The following CACNA1I variants were observed in gnomAD, a reference collection of about 807,000 sequenced individuals.
CACNA1I encodes the protein voltage-dependent T-type calcium channel subunit alpha-1I.
In CACNA1I, 74 loss-of-function variants were observed where a neutral mutation model predicts 201.6. That is an observed-to-expected ratio of 0.37 (90% confidence interval 0.30 to 0.45). CACNA1I has a LOEUF of 0.45. CACNA1I is among the 20% of genes least tolerant of loss of function. CACNA1I has a pLI of 1.00. For synonymous variants in CACNA1I, 1,431 were observed against 1,345.2 expected (o/e 1.06, Z -1.40); for missense variants, 2,346 against 3,138.1 (o/e 0.75, Z 6.03).
intron 1 of CACNA1I, among the ~76,000 whole-genome samples, chr22:39,593,993 G>T (rs1327821319): frequency 1.3e-5 from 2 of 152,198 alleles, no homozygotes; most frequent in East Asian, 3.9e-4. Flanking sequence ...GAGGATGCTG[G>T]GTCAGGGTCC....
At position 39,684,860 on chromosome 22, in the gene CACNA1I, G is replaced by C; in HGVS notation, c.6027+362G>C. ...GTGGGGAGGACACCCTGGGTGCTCT[G>C]GGTGGGTGTGAGTGGGGGCTTGATT... On this transcript the variant is annotated intron_variant, in intron 36 of 36. Coordinates refer to ENST00000402142, the MANE Select transcript of CACNA1I (RefSeq NM_021096.4). The surrounding 1 kb of genome is among the most constrained non-coding windows in gnomAD (Gnocchi z 4.6). The C allele has an allele frequency of 2.0e-6, 1 of 510,468 alleles. No homozygotes were observed. Among genetic ancestry groups the C allele is most frequent in the Non-Finnish European group, 3.5e-6 (1 of 285,884 alleles). 31.6% of individuals were successfully genotyped at this position (510,468 alleles called of 1,614,324 possible).
intron 6 of CACNA1I, among the ~76,000 whole-genome samples, chr22:39,641,896 C>T (rs777846588): frequency 1.3e-5 from 2 of 152,156 alleles, no homozygotes; most frequent in African/African-American, 4.8e-5. Context: ...ATAACAGCCC[C>T]CCTCACCTTG....
intron 4 of CACNA1I, 126 bp downstream of exon 4, chr22:39,619,533 G>A (rs1330319414): frequency 1.6e-5 from 11 of 698,548 alleles, no homozygotes; most frequent in Non-Finnish European, 2.5e-5. Context: ...ACTGATTAGG[G>A]CCCGGGTGTG....
chr22:39,598,366 G>A (rs2145825721), intron 2 of CACNA1I, 104 bp downstream of exon 2: 2 of 569,008 alleles, frequency 3.5e-6, no homozygotes, highest in Non-Finnish European at 6.2e-6. Context: ...GCCTTGCCCC[G>A]CCCACTCCAT....
At chr22:39,633,161 C>T (rs1442624555) in intron 4 of CACNA1I, among the ~76,000 whole-genome samples, 1 of 152,086 alleles carries the variant, frequency 6.6e-6, no homozygotes, top group East Asian at 1.9e-4. Context: ...TCTTCCACTC[C>T]CTCCCCATGA....
chr22:39,650,967 C>T (rs1403525040), intron 10 of CACNA1I, among the ~76,000 whole-genome samples: 1 of 152,090 alleles, frequency 6.6e-6, no homozygotes, highest in Non-Finnish European at 1.5e-5. Flanking sequence ...TGCCTCAGTC[C>T]ACAGGCCCCA....
rs938612781 is a variant in CACNA1I, at chr22:39,648,654, C to T, written c.1567+728C>T. Among the ~76,000 whole-genome samples the T allele has an allele frequency of 6.6e-6, 1 of 152,102 alleles. No individual in the cohort carries two copies. Among genetic ancestry groups the T allele is most frequent in the Non-Finnish European group, 1.5e-5 (1 of 68,006 alleles). ...GGCAAGTGTGGAAATGAAGGGTAGG[C>T]GTGACATGCTTTTCTTTCCCTTTCA... is the stretch of plus-strand genomic sequence containing the variant. On this transcript the variant is annotated intron_variant, in intron 9 of 36. Coordinates refer to ENST00000402142, the MANE Select transcript of CACNA1I (RefSeq NM_021096.4). The surrounding 1 kb of genome is among the most constrained non-coding windows in gnomAD (Gnocchi z 5.4).
Position 39,678,006 on chromosome 22 carries a change from G to A in CACNA1I, c.4953G>A (p.Pro1651=), listed in dbSNP as rs369587290. ...FGKLVCNDEN[P]CEGMSRHATF... is the part of the protein sequence containing the mutation. Reference sequence around the variant, plus strand: ...TTCCAGTCTGCAACGACGAGAACCCGTGCGAGGGCATGAGCCGGCATGCCA... The same window carrying A: ...TTCCAGTCTGCAACGACGAGAACCCATGCGAGGGCATGAGCCGGCATGCCA... Residue 1651 remains proline, a synonymous_variant, in exon 31 of 37, where the codon CCG becomes CCA. Coordinates refer to ENST00000402142, the MANE Select transcript of CACNA1I (RefSeq NM_021096.4). 2.5e-5 allele frequency: 40 copies of A among 1,596,458 alleles called. No individual in the cohort carries two copies. The highest frequency in any genetic ancestry group is 2.8e-5 in the Non-Finnish European group (33 of 1,172,016).
intron 4 of CACNA1I, among the ~76,000 whole-genome samples, chr22:39,630,792 C>G (rs565754874): frequency 6.6e-6 from 1 of 152,258 alleles, no homozygotes; most frequent in Non-Finnish European, 1.5e-5. Context: ...GAGGCAGCCC[C>G]GAAAGTGGGC....
At chr22:39,590,856 T>G (rs1932812573) in intron 1 of CACNA1I, among the ~76,000 whole-genome samples, 1 of 152,192 alleles carries the variant, frequency 6.6e-6, no homozygotes, top group Non-Finnish European at 1.5e-5. Flanking sequence ...TTTTGATTTT[T>G]ATTTTTTGAG....
In CACNA1I at chr22:39,629,046, G is replaced by A. The variant is rs73885290; in HGVS notation, c.581-5519G>A. Among the ~76,000 whole-genome samples, 268 of 152,196 alleles carry A rather than the reference G, an allele frequency of 1.8e-3. No homozygotes were observed. The highest frequency in any genetic ancestry group is 6.0e-3 in the African/African-American group (249 of 41,516). On this transcript the variant is annotated intron_variant, in intron 4 of 36. Coordinates refer to ENST00000402142, the MANE Select transcript of CACNA1I (RefSeq NM_021096.4). The surrounding 1 kb of genome is among the most constrained non-coding windows in gnomAD (Gnocchi z 4.8). ...CAGGTGTCCCCACTGCCACTGAGGG[G>A]CTGCCTCTGCCTGGCTGCTGCCCAG...
intron 10 of CACNA1I, among the ~76,000 whole-genome samples, chr22:39,652,404 C>G (rs1311838941): frequency 6.6e-6 from 1 of 152,196 alleles, no homozygotes; most frequent in African/African-American, 2.4e-5. Context: ...ACAGGGCCCA[C>G]CTGATTTCCT....
intron 3 of CACNA1I, among the ~76,000 whole-genome samples, chr22:39,600,856 C>T (rs1466578895): frequency 6.6e-6 from 1 of 152,118 alleles, no homozygotes. Context: ...GCACTGCCAG[C>T]GGATACTGGG....
intron 1 of CACNA1I, among the ~76,000 whole-genome samples, chr22:39,588,127 C>CTTTT (rs1569049152): frequency 1.2e-5 from 1 of 82,208 alleles, no homozygotes; most frequent in South Asian, 3.9e-4. Context: ...AGTTGCTCTT[C>CTTTT]ATTTTTTTTT....
At chr22:39,639,918 C>A (rs866232745) in intron 5 of CACNA1I, among the ~76,000 whole-genome samples, 2 of 152,300 alleles carry the variant, frequency 1.3e-5, no homozygotes, top group South Asian at 4.1e-4. Context: ...TATCTCTCTC[C>A]TTTTTAAAGC....
chr22:39,680,895 C>T (rs747831958), intron 33 of CACNA1I, 35 bp from the exon 34 acceptor site: 2 of 1,593,500 alleles, frequency 1.3e-6, no homozygotes, highest in South Asian at 2.3e-5. Flanking sequence ...CCATCCCAAA[C>T]CTGGGTGACC....
rs999048577 is a variant in CACNA1I, at chr22:39,687,426, T to A, written c.*1021T>A. On this transcript the variant is annotated 3_prime_UTR_variant, in exon 37 of 37. Transcript: ENST00000402142. The stretch of plus-strand genomic sequence containing the variant: ...TTAGTTGTTCAGCCACTAATGCCTT[T>A]TATCCCCCATATGGGCGCTGAGCTG... 6.6e-5 allele frequency: 10 copies of A among 152,290 alleles called. No homozygotes were observed. Among genetic ancestry groups the A allele is most frequent in the African/African-American group, 2.4e-4 (10 of 41,420 alleles). The allele number at this position is 152,290 out of a possible 1,614,324, so 9.4% of individuals were successfully genotyped here.
chr22:39,671,066 G>A (rs1356925861), intron 26 of CACNA1I, 112 bp downstream of exon 26: 6 of 969,486 alleles, frequency 6.2e-6, no homozygotes, highest in Non-Finnish European at 7.7e-6. Context: ...CAGGATGTGA[G>A]CAGCCCCTCC....
intron 3 of CACNA1I, among the ~76,000 whole-genome samples, chr22:39,603,748 G>A (rs1933133004): frequency 6.6e-6 from 1 of 152,174 alleles, no homozygotes. Flanking sequence ...AGCTCGTTAA[G>A]GAGTAGGGAC....
Sources: gnomAD v4.1 joint callset for allele counts (sites outside exome capture counted in the v4.1 genomes callset) on GRCh38, gnomAD v4.1.1 for gene constraint, Gnocchi (gnomAD v3.1) non-coding constraint, MANE v1.5 for transcripts, NCBI Gene and HGNC (gene_info 2026-07-23, HGNC 2026-07-21) for gene names.